STT3B: variants seen among roughly 807,000 people sequenced by gnomAD.
STT3B encodes the protein STT3 oligosaccharyltransferase complex catalytic subunit B.
In STT3B, 29 loss-of-function variants were observed where a neutral mutation model predicts 96.8. The observed-to-expected ratio is 0.30, with a 90% CI of 0.22 to 0.41. The LOEUF (loss-of-function observed/expected upper bound fraction) is 0.41. Among genes scored for constraint, STT3B ranks in the 10% least tolerant of loss-of-function variants. The pLI, the probability that STT3B is intolerant of heterozygous loss-of-function variation, is 1.00. For missense variants in STT3B, 640 were observed against 1,022.3 expected (o/e 0.63, Z 5.10); for synonymous variants, 367 against 360.0 (o/e 1.02, Z -0.22).
chr3:31,559,694 T>C (rs1697822649), intron 1 of STT3B, among the ~76,000 whole-genome samples: 1 of 152,048 alleles, frequency 6.6e-6, no homozygotes, highest in South Asian at 2.1e-4. Context: ...GAAATGTTCA[T>C]GTCAAGTACA....
intron 1 of STT3B, among the ~76,000 whole-genome samples, chr3:31,538,825 T>G (rs1490675029): frequency 6.6e-6 from 1 of 152,158 alleles, no homozygotes; most frequent in Non-Finnish European, 1.5e-5. Context: ...GCTTTTTGTA[T>G]TTAAACCAGT....
At chr3:31,629,471 T>C (rs1460588661) in intron 14 of STT3B, 60 bp downstream of exon 14, 2 of 892,520 alleles carry the variant, frequency 2.2e-6, no homozygotes, top group Admixed American at 2.4e-5. Context: ...ACAAGTCTTA[T>C]TTGCCTCTAG....
chr3:31,571,996 A>G (rs1698154251), intron 1 of STT3B, among the ~76,000 whole-genome samples: 1 of 144,024 alleles, frequency 6.9e-6, no homozygotes, highest in Admixed American at 7.1e-5. Flanking sequence ...ATATATTAAT[A>G]CATAATTATT....
intron 2 of STT3B, 59 bp downstream of exon 2, chr3:31,576,563 C>A: frequency 1.0e-6 from 1 of 1,004,110 alleles, no homozygotes; most frequent in South Asian, 1.9e-5. Flanking sequence ...TTGAGTAAAT[C>A]ATTAATTGCC....
chr3:31,533,409 G>C (rs1424283122), intron 1 of STT3B, 97 bp downstream of exon 1: 2 of 1,283,606 alleles, frequency 1.6e-6, no homozygotes, highest in East Asian at 3.4e-5. Flanking sequence ...GCCCCGCGCC[G>C]CCGCGGAGCC....
chr3:31,603,250 A>C (rs563708706), intron 5 of STT3B, among the ~76,000 whole-genome samples: 103 of 152,198 alleles, frequency 6.8e-4, no homozygotes, highest in Non-Finnish European at 1.2e-3. Flanking sequence ...AGATTTTTTC[A>C]AGTGTCCTTA....
chr3:31,611,805 GTTTATT>G (rs901974587), intron 5 of STT3B, among the ~76,000 whole-genome samples: 1 of 151,914 alleles, frequency 6.6e-6, no homozygotes, highest in African/African-American at 2.4e-5. Flanking sequence ...CCAAGATTGT[GTTTATT>G]TTTAAGAATT....
At chr3:31,557,496 G>A (rs899447149) in intron 1 of STT3B, among the ~76,000 whole-genome samples, 2 of 152,024 alleles carry the variant, frequency 1.3e-5, no homozygotes, top group Admixed American at 6.5e-5. Flanking sequence ...TAATATTTCC[G>A]ATCCATGGGC....
intron 1 of STT3B, among the ~76,000 whole-genome samples, chr3:31,560,840 CT>C (rs1366263760): frequency 6.6e-6 from 1 of 152,068 alleles, no homozygotes; most frequent in Non-Finnish European, 1.5e-5. Context: ...GTTACATAGG[CT>C]TTTAAAATCT....
At chr3:31,623,440 A>G (rs747505436) in intron 10 of STT3B, among the ~76,000 whole-genome samples, 9 of 152,158 alleles carry the variant, frequency 5.9e-5, no homozygotes, top group Non-Finnish European at 8.8e-5. Flanking sequence ...CTTACTGGAG[A>G]TAATTATTTT....
intron 1 of STT3B, among the ~76,000 whole-genome samples, chr3:31,564,928 A>G (rs139730083): frequency 1.4e-4 from 22 of 152,348 alleles, no homozygotes; most frequent in African/African-American, 5.1e-4. Context: ...AATTTATTCA[A>G]ATCAAAATAC....
chr3:31,556,826 C>A (rs1439085652), intron 1 of STT3B, among the ~76,000 whole-genome samples: 1 of 152,156 alleles, frequency 6.6e-6, no homozygotes, highest in Admixed American at 6.5e-5. Flanking sequence ...TATATTCTGT[C>A]TTTCAGTAGG....
chr3:31,589,110 A>T (rs1698610702), intron 3 of STT3B, among the ~76,000 whole-genome samples: 1 of 151,984 alleles, frequency 6.6e-6, no homozygotes, highest in African/African-American at 2.4e-5. Context: ...GATTTCTTTC[A>T]TGAGAGTTTG....
At chr3:31,548,419 G>A (rs979389765) in intron 1 of STT3B, among the ~76,000 whole-genome samples, 7 of 151,664 alleles carry the variant, frequency 4.6e-5, no homozygotes, top group South Asian at 2.1e-4. Flanking sequence ...GTAAAATAGG[G>A]AACAAAATGA....
At chr3:31,540,342 A>G (rs1200259648) in intron 1 of STT3B, among the ~76,000 whole-genome samples, 1 of 151,190 alleles carries the variant, frequency 6.6e-6, no homozygotes, top group East Asian at 2.2e-4. Flanking sequence ...GCTCATTCCT[A>G]TTAAAAGGGA....
At chr3:31,550,361 A>G (rs937322647) in intron 1 of STT3B, among the ~76,000 whole-genome samples, 1 of 152,174 alleles carries the variant, frequency 6.6e-6, no homozygotes, top group African/African-American at 2.4e-5. Flanking sequence ...GTGTTGCTCA[A>G]AGTAGAGAGA....
intron 1 of STT3B, among the ~76,000 whole-genome samples, chr3:31,540,141 T>C (rs987334616): frequency 6.6e-6 from 1 of 152,152 alleles, no homozygotes; most frequent in African/African-American, 2.4e-5. Flanking sequence ...GAAGTTACTT[T>C]CTACCACTTA....
rs1214912781 is a variant in STT3B, at chr3:31,637,467, A to G, written c.*1403A>G. Reference sequence around the variant, plus strand: ...ATGATGGTTCCTTTACAGAACAATAAAATGGCTGAACATTTTCACAAATAG... The same window carrying G: ...ATGATGGTTCCTTTACAGAACAATAGAATGGCTGAACATTTTCACAAATAG... On this transcript the variant is annotated 3_prime_UTR_variant, in exon 16 of 16. Transcript: ENST00000295770. 6.6e-6 allele frequency: 1 copy of G among 152,232 alleles called. No homozygotes were observed. The highest frequency in any genetic ancestry group is 1.5e-5 in the Non-Finnish European group (1 of 68,026). The allele number at this position is 152,232 out of a possible 1,614,324, so 9.4% of individuals were successfully genotyped here. A position where few individuals can be genotyped will look rare whatever the true frequency, so the allele number is the denominator to read the frequency against.
intron 1 of STT3B, among the ~76,000 whole-genome samples, chr3:31,575,472 G>T (rs1313322140): frequency 6.6e-6 from 1 of 151,676 alleles, no homozygotes. Flanking sequence ...TTTTTGGGGG[G>T]GGGATATGTT....
Sources: allele counts gnomAD v4.1 joint callset (sites outside exome capture counted in the v4.1 genomes callset), GRCh38; gene constraint gnomAD v4.1.1; transcripts MANE v1.5; gene names NCBI Gene and HGNC (gene_info 2026-07-23, HGNC 2026-07-21).